PLCXD2: variants seen among roughly 807,000 people sequenced by gnomAD.
The protein encoded by PLCXD2 is phosphatidylinositol specific phospholipase C X domain containing 2.
PLCXD2 carries 21 observed loss-of-function variants against 28.6 expected under a neutral mutation model. The ratio of observed to expected loss-of-function variants is 0.73; its 90% CI spans 0.52 to 1.06. The LOEUF (loss-of-function observed/expected upper bound fraction) is 1.06. Among genes scored for constraint, PLCXD2 ranks in the 50% least tolerant of loss-of-function variants. The probability of loss-of-function intolerance (pLI) is 0.00; values close to 1 mark genes in which losing one functional copy is unlikely to be tolerated. For missense variants in PLCXD2, 369 were observed against 376.7 expected (o/e 0.98, Z 0.17); for synonymous variants, 140 against 150.1 (o/e 0.93, Z 0.49).
chr3:111,683,585 T>TA (rs1210088604), intron 1 of PLCXD2, among the ~76,000 whole-genome samples: 2 of 152,194 alleles, frequency 1.3e-5, no homozygotes, highest in Non-Finnish European at 2.9e-5. Context: ...TCAACACTTG[T>TA]ATAATTTTCT....
intron 1 of PLCXD2, among the ~76,000 whole-genome samples, chr3:111,700,273 G>C (rs1941022831): frequency 6.6e-6 from 1 of 152,014 alleles, no homozygotes; most frequent in African/African-American, 2.4e-5. Context: ...CACACAGAAA[G>C]GAAAAAGAAA....
chr3:111,701,497 A>G (rs1025659083), intron 1 of PLCXD2, among the ~76,000 whole-genome samples: 1 of 152,210 alleles, frequency 6.6e-6, no homozygotes, highest in African/African-American at 2.4e-5. Context: ...GTCTGAAATA[A>G]TGCATTGGTA....
intron 3 of PLCXD2, chr3:111,725,227 G>T (rs898635873): frequency 2.4e-5 from 4 of 165,250 alleles, no homozygotes; most frequent in Admixed American, 6.4e-5. Flanking sequence ...GAATAGAAAT[G>T]ATAGCATCAA....
intron 3 of PLCXD2, chr3:111,721,237 G>A (rs1333566240): frequency 6.4e-6 from 1 of 156,838 alleles, no homozygotes; most frequent in African/African-American, 2.4e-5. Flanking sequence ...ATTGTCGTCT[G>A]GGGTGTTGTG....
intron 1 of PLCXD2, among the ~76,000 whole-genome samples, chr3:111,680,906 T>C (rs562452456): frequency 7.2e-5 from 11 of 152,126 alleles, no homozygotes; most frequent in Non-Finnish European, 1.6e-4. Context: ...ATGCTTTCTC[T>C]CACAAAATAA....
At chr3:111,722,743 A>C (rs1941363698) in intron 3 of PLCXD2, 2 of 152,238 alleles carry the variant, frequency 1.3e-5, no homozygotes. Flanking sequence ...TGGATTTTGC[A>C]TGTTGCTTGC....
intron 1 of PLCXD2, among the ~76,000 whole-genome samples, chr3:111,693,437 CTCTT>C (rs1415162322): frequency 1.3e-5 from 2 of 152,208 alleles, no homozygotes; most frequent in African/African-American, 4.8e-5. Context: ...TTAAGCTAGA[CTCTT>C]TGTGGTTGTA....
intron 3 of PLCXD2, among the ~76,000 whole-genome samples, chr3:111,718,466 A>G (rs1318671593): frequency 6.6e-6 from 1 of 150,750 alleles, no homozygotes; most frequent in Non-Finnish European, 1.5e-5. Flanking sequence ...CTCCGTCTCA[A>G]AAAAAAAATA....
chr3:111,721,934 T>G (rs1369169462), intron 3 of PLCXD2: 1 of 152,216 alleles, frequency 6.6e-6, no homozygotes, highest in African/African-American at 2.4e-5. Flanking sequence ...AAGCTCCAAG[T>G]GGATTTGGAG....
At chr3:111,684,144 A>C (rs1408607039) in intron 1 of PLCXD2, among the ~76,000 whole-genome samples, 1 of 152,138 alleles carries the variant, frequency 6.6e-6, no homozygotes, top group African/African-American at 2.4e-5. Context: ...AGCCTGGCCA[A>C]CATGGTGAAA....
At chr3:111,675,979 G>A (rs894650984) in intron 1 of PLCXD2, among the ~76,000 whole-genome samples, 9 of 152,192 alleles carry the variant, frequency 5.9e-5, no homozygotes, top group South Asian at 2.1e-4. Flanking sequence ...TAGGTGTGAT[G>A]AGGTGGTGGT....
At chr3:111,707,799 T>C in intron 1 of PLCXD2, 127 bp from the exon 2 acceptor site, 3 of 845,806 alleles carry the variant, frequency 3.5e-6, no homozygotes, top group Non-Finnish European at 5.4e-6. Context: ...ATTTTGCTAC[T>C]ATTCATTTGC....
chr3:111,713,787 A>G, intron 2 of PLCXD2, 100 bp from the exon 3 acceptor site: 1 of 1,309,430 alleles, frequency 7.6e-7, no homozygotes, highest in Non-Finnish European at 1.0e-6. Flanking sequence ...ACATATGATT[A>G]TATTTTCTTG....
chr3:111,686,435 T>C (rs1940796125), intron 1 of PLCXD2, among the ~76,000 whole-genome samples: 3 of 152,248 alleles, frequency 2.0e-5, no homozygotes, highest in Admixed American at 2.0e-4. Flanking sequence ...ATTGGCCACA[T>C]GGCTCTCTCA....
intron 3 of PLCXD2, chr3:111,722,443 C>G (rs1345722135): frequency 6.6e-6 from 1 of 152,092 alleles, no homozygotes; most frequent in African/African-American, 2.4e-5. Context: ...AAGTCACTAC[C>G]AAGCCATGCC....
rs533709203 is a variant in PLCXD2, at chr3:111,683,851, C to T, written c.163+8443C>T. Among the ~76,000 whole-genome samples, 3 of 152,186 alleles carry T rather than the reference C, an allele frequency of 2.0e-5. 1 individual carries two copies. In the East Asian group the frequency reaches 5.8e-4, roughly 29 times the overall value. On this transcript the variant is annotated intron_variant, in intron 1 of 4. Coordinates refer to ENST00000477665, the MANE Select transcript of PLCXD2 (RefSeq NM_001185106.1). ...AATAAACTAAACCCTGAAAAATACA[C>T]AGAAATTAGCCCTCAGGATAAGATA... is the stretch of plus-strand genomic sequence containing the variant.
At chr3:111,711,813 C>T (rs1941202942) in intron 2 of PLCXD2, among the ~76,000 whole-genome samples, 1 of 152,032 alleles carries the variant, frequency 6.6e-6, no homozygotes, top group Admixed American at 6.6e-5. Context: ...ATGTTCTGTA[C>T]TATATGAAGA....
intron 2 of PLCXD2, among the ~76,000 whole-genome samples, chr3:111,710,982 A>C (rs1941192264): frequency 6.6e-6 from 1 of 152,240 alleles, no homozygotes; most frequent in Non-Finnish European, 1.5e-5. Context: ...ATCCAACTAC[A>C]AATACTTCTA....
At chr3:111,717,996 T>A (rs1307453950) in intron 3 of PLCXD2, among the ~76,000 whole-genome samples, 1 of 152,166 alleles carries the variant, frequency 6.6e-6, no homozygotes, top group Non-Finnish European at 1.5e-5. Flanking sequence ...TTACCTTTTT[T>A]TTTTTACCAC....
Sources: allele counts gnomAD v4.1 joint callset (sites outside exome capture counted in the v4.1 genomes callset), GRCh38; gene constraint gnomAD v4.1.1; transcripts MANE v1.5; gene names NCBI Gene and HGNC (gene_info 2026-07-23, HGNC 2026-07-21).